SNX29: variants seen among roughly 807,000 people sequenced by gnomAD.
SNX29 encodes sorting nexin 29.
In SNX29, 78 loss-of-function variants were observed where a neutral mutation model predicts 102.1. That is an observed-to-expected ratio of 0.76 (90% confidence interval 0.64 to 0.92). SNX29 has a LOEUF of 0.92. SNX29 is among the 40% of genes least tolerant of loss of function. The probability of loss-of-function intolerance (pLI) is 0.00; values close to 1 mark genes in which losing one functional copy is unlikely to be tolerated. For missense variants in SNX29, 1,280 were observed against 1,061.7 expected (o/e 1.21, Z -2.86); for synonymous variants, 580 against 414.5 (o/e 1.40, Z -4.85).
intron 14 of SNX29, among the ~76,000 whole-genome samples, chr16:12,255,522 C>A (rs374397247): frequency 2.0e-5 from 3 of 152,264 alleles, no homozygotes; most frequent in East Asian, 3.9e-4. Flanking sequence ...TACTTTTTGA[C>A]CAGCATCCCC....
chr16:12,224,000 G>A (rs922753364), intron 14 of SNX29, among the ~76,000 whole-genome samples: 5 of 152,204 alleles, frequency 3.3e-5, no homozygotes, highest in African/African-American at 4.8e-5. Flanking sequence ...GAGTTCAGGT[G>A]GATGCCCAGG....
At position 12,166,236 on chromosome 16, in the gene SNX29, G is replaced by A. The variant is rs1010545394; in HGVS notation, c.1596-33365G>A. Reference sequence around the variant, plus strand: ...GTCAGGCACTGAGCAAAATACTTGGGATACAGAGATAAGTGGGTAGGGCTC... The same window carrying A: ...GTCAGGCACTGAGCAAAATACTTGGAATACAGAGATAAGTGGGTAGGGCTC... On this transcript the variant is annotated intron_variant, in intron 13 of 20. Transcript: ENST00000566228. 9.2e-5 allele frequency among the ~76,000 whole-genome samples: 14 copies of A among 152,302 alleles called. 1 individual carries two copies. The highest frequency in any genetic ancestry group is 9.1e-4 in the Admixed American group (14 of 15,304).
intron 20 of SNX29, among the ~76,000 whole-genome samples, chr16:12,549,050 C>G (rs761262999): frequency 7.2e-5 from 11 of 152,250 alleles, no homozygotes; most frequent in Admixed American, 2.6e-4. Flanking sequence ...TGAGTCCACT[C>G]TTGCAGCTGG....
intron 15 of SNX29, among the ~76,000 whole-genome samples, chr16:12,345,793 G>A (rs920838951): frequency 6.6e-6 from 1 of 152,186 alleles, no homozygotes; most frequent in African/African-American, 2.4e-5. Context: ...CTCTTGAAAT[G>A]TTTTCTGCCC....
intron 1 of SNX29, among the ~76,000 whole-genome samples, chr16:11,991,033 G>T (rs908207658): frequency 6.6e-6 from 1 of 152,166 alleles, no homozygotes; most frequent in Non-Finnish European, 1.5e-5. Flanking sequence ...TATTGACTGC[G>T]GGACTCTTTC....
At chr16:12,422,214 T>C (rs1431054120) in intron 18 of SNX29, among the ~76,000 whole-genome samples, 1 of 152,202 alleles carries the variant, frequency 6.6e-6, no homozygotes, top group Non-Finnish European at 1.5e-5. Context: ...TCAATGGCTG[T>C]GTGACCTTGG....
chr16:11,985,143 A>T (rs1300679788), intron 1 of SNX29, among the ~76,000 whole-genome samples: 1 of 151,414 alleles, frequency 6.6e-6, no homozygotes, highest in African/African-American at 2.4e-5. Flanking sequence ...AATTGATTTG[A>T]TTTTTTCCAA....
chr16:12,398,651 T>A, intron 17 of SNX29, 150 bp downstream of exon 17: 6 of 820,798 alleles, frequency 7.3e-6, no homozygotes, highest in South Asian at 1.6e-5. Flanking sequence ...TAGGAGTCGC[T>A]CTCCTACAGC....
chr16:12,375,330 T>C (rs931027614), intron 16 of SNX29: 3 of 152,236 alleles, frequency 2.0e-5, no homozygotes, highest in Non-Finnish European at 4.4e-5. Flanking sequence ...ATTTAGTGAT[T>C]GTATCTTTCT....
At chr16:12,318,661 A>G (rs1303914504) in intron 15 of SNX29, among the ~76,000 whole-genome samples, 3 of 151,954 alleles carry the variant, frequency 2.0e-5, no homozygotes. Flanking sequence ...GCTTGTTCTT[A>G]TGGCCCAATA....
In SNX29 at chr16:12,137,176, C is replaced by G. The variant is rs151158021; in HGVS notation, c.1595+7418C>G. The stretch of plus-strand genomic sequence containing the variant: ...GCATTTTTTCCTAGGATTGTTGGGA[C>G]GGTTACATCAGCTGAGGCTCCTAAG... On this transcript the variant is annotated intron_variant, in intron 13 of 20. Transcript: ENST00000566228. Among the ~76,000 whole-genome samples the G allele has an allele frequency of 2.8e-4, 43 of 152,326 alleles. No individual in the cohort carries two copies. In the East Asian group the frequency reaches 7.9e-3, roughly 28 times the overall value.
intron 20 of SNX29, among the ~76,000 whole-genome samples, chr16:12,531,368 A>G (rs2076927924): frequency 6.6e-6 from 1 of 152,290 alleles, no homozygotes; most frequent in Admixed American, 6.5e-5. Flanking sequence ...AGGACTGGGT[A>G]TAGTGGATGG....
intron 18 of SNX29, among the ~76,000 whole-genome samples, chr16:12,433,773 G>C (rs969765421): frequency 1.3e-5 from 2 of 152,138 alleles, no homozygotes; most frequent in African/African-American, 2.4e-5. Context: ...GCAGTGAGCT[G>C]AGATTGTGCC....
At chr16:12,219,222 G>C (rs2077409846) in intron 14 of SNX29, among the ~76,000 whole-genome samples, 1 of 151,314 alleles carries the variant, frequency 6.6e-6, no homozygotes, top group Non-Finnish European at 1.5e-5. Context: ...CAAACCACAT[G>C]TTATATCGTC....
intron 1 of SNX29, among the ~76,000 whole-genome samples, chr16:11,990,823 G>T (rs372565506): frequency 1.3e-5 from 2 of 152,156 alleles, no homozygotes; most frequent in African/African-American, 4.8e-5. Context: ...CCATCTAACC[G>T]CACGGTGGCT....
At position 12,343,250 on chromosome 16, in the gene SNX29, C is replaced by G. The variant is rs572314936; in HGVS notation, c.1783-12913C>G. On this transcript the variant is annotated intron_variant, in intron 15 of 20. Coordinates refer to ENST00000566228, the MANE Select transcript of SNX29 (RefSeq NM_032167.5). Reference sequence around the variant, plus strand: ...TGTGAAAGCCTGTGCTTTCCAGCACCTTGCAGAATGAATGGAAAAGCAGCA... The same window carrying G: ...TGTGAAAGCCTGTGCTTTCCAGCACGTTGCAGAATGAATGGAAAAGCAGCA... Among the ~76,000 whole-genome samples, 13 of 152,310 alleles carry G rather than the reference C, an allele frequency of 8.5e-5. No individual in the cohort carries two copies. The South Asian group carries it at 2.7e-3, about 32-fold the overall frequency.
chr16:12,429,964 T>A (rs1395525600), intron 18 of SNX29, among the ~76,000 whole-genome samples: 3 of 152,256 alleles, frequency 2.0e-5, no homozygotes, highest in African/African-American at 7.2e-5. Flanking sequence ...TAAACTGGTA[T>A]TGGGCTGTTG....
intron 11 of SNX29, among the ~76,000 whole-genome samples, chr16:12,099,279 G>C (rs2052906068): frequency 6.6e-6 from 1 of 152,170 alleles, no homozygotes. Context: ...ACTAAACCCA[G>C]GGCCCTTGGT....
chr16:12,415,842 T>C (rs2084613471), intron 18 of SNX29, among the ~76,000 whole-genome samples: 1 of 152,136 alleles, frequency 6.6e-6, no homozygotes, highest in Non-Finnish European at 1.5e-5. Flanking sequence ...ATATCCAAAA[T>C]AGTTATATTT....
Sources: gnomAD v4.1 joint callset for allele counts (sites outside exome capture counted in the v4.1 genomes callset) on GRCh38, gnomAD v4.1.1 for gene constraint, MANE v1.5 for transcripts, NCBI Gene and HGNC (gene_info 2026-07-23, HGNC 2026-07-21) for gene names.